SUMF1: variants seen among roughly 807,000 people sequenced by gnomAD.
SUMF1 encodes sulfatase modifying factor 1.
In SUMF1, 48 loss-of-function variants were observed where a neutral mutation model predicts 47.6. The ratio of observed to expected loss-of-function variants is 1.01; its 90% CI spans 0.80 to 1.28. The LOEUF (loss-of-function observed/expected upper bound fraction) is 1.28. Ranked by LOEUF, SUMF1 falls within the 50% of genes most tolerant of loss-of-function variation. The probability of loss-of-function intolerance (pLI) is 0.00; values close to 1 mark genes in which losing one functional copy is unlikely to be tolerated. For synonymous variants in SUMF1, 230 were observed against 192.1 expected, an observed-to-expected ratio of 1.20 and a Z score of -1.63; for missense variants, 571 against 485.4, an observed-to-expected ratio of 1.18 and a Z score of -1.66.
At chr3:4,075,721 G>A (rs1229710076) in intron 8 of SUMF1, among the ~76,000 whole-genome samples, 2 of 152,124 alleles carry the variant, frequency 1.3e-5, no homozygotes, top group East Asian at 1.9e-4. Context: ...CAAATCATGA[G>A]TGAACTCCCA....
rs1364693538 is a variant in SUMF1, at chr3:4,303,596, C to T, written c.1014+72734G>A. On this transcript the variant is annotated intron_variant and NMD_transcript_variant, in intron 8 of 12. Coordinates refer to the SUMF1 transcript ENST00000448413. ...CCCACGTGGTCTCCTCAAGCCGCCT[C>T]GCTGGGACGGCCTCCCAGTCGCGAC... 8.7e-6 allele frequency: 12 copies of T among 1,375,694 alleles called. No homozygotes were observed. In the East Asian group the frequency reaches 2.2e-4, roughly 25 times the overall value. The allele number at this position is 1,375,694 out of a possible 1,614,324, so 85.2% of individuals were successfully genotyped here.
intron 8 of SUMF1, chr3:4,313,330 AG>A (rs747393505): frequency 1.1e-4 from 177 of 1,613,936 alleles, no homozygotes; most frequent in Non-Finnish European, 1.4e-4. Flanking sequence ...TATAGCCATC[AG>A]GGAACATGTT....
intron 8 of SUMF1, among the ~76,000 whole-genome samples, chr3:4,109,153 G>A (rs1410086764): frequency 2.0e-5 from 3 of 152,020 alleles, no homozygotes; most frequent in East Asian, 1.9e-4. Context: ...TTGCTTGTCT[G>A]TAAAGGATTT....
intron 8 of SUMF1, among the ~76,000 whole-genome samples, chr3:4,176,806 A>G (rs1325418864): frequency 1.3e-5 from 2 of 152,118 alleles, no homozygotes. Flanking sequence ...CTCATATGCA[A>G]AGACACACAT....
At chr3:4,330,748 C>T (rs1699033420) in intron 8 of SUMF1, among the ~76,000 whole-genome samples, 1 of 152,142 alleles carries the variant, frequency 6.6e-6, no homozygotes, top group South Asian at 2.1e-4. Context: ...TAGTATTTCA[C>T]AAAAATCTTT....
intron 8 of SUMF1, among the ~76,000 whole-genome samples, chr3:4,080,714 A>G (rs1692541664): frequency 6.6e-6 from 1 of 152,164 alleles, no homozygotes; most frequent in Non-Finnish European, 1.5e-5. Flanking sequence ...ACAATATAAA[A>G]CACATATTTG....
intron 7 of SUMF1, among the ~76,000 whole-genome samples, chr3:4,386,226 A>T (rs749189176): frequency 3.9e-5 from 6 of 152,198 alleles, no homozygotes; most frequent in Non-Finnish European, 8.8e-5. Context: ...TGATATCTCT[A>T]CTAGGCTGAA....
intron 3 of SUMF1, among the ~76,000 whole-genome samples, chr3:4,438,372 C>CA (rs1702471475): frequency 6.6e-6 from 1 of 152,124 alleles, no homozygotes; most frequent in Admixed American, 6.5e-5. Context: ...TTTGGGCTTC[C>CA]AAGCTCATCT....
chr3:4,206,935 A>G (rs1695666948), intron 8 of SUMF1, among the ~76,000 whole-genome samples: 1 of 152,160 alleles, frequency 6.6e-6, no homozygotes, highest in Non-Finnish European at 1.5e-5. Flanking sequence ...CTATAAATCA[A>G]TTTGAAGAGA....
intron 8 of SUMF1, among the ~76,000 whole-genome samples, chr3:4,343,877 T>A (rs74343006): frequency 0.015 from 2,294 of 152,222 alleles, 46 homozygotes; most frequent in African/African-American, 0.052. Context: ...TGGAAAAAAT[T>A]TTAACAATGA....
chr3:4,303,317 T>A (rs1346740430), intron 8 of SUMF1: 3 of 1,464,632 alleles, frequency 2.0e-6, no homozygotes, highest in African/African-American at 3.0e-5. Flanking sequence ...AGTCCCAGCA[T>A]CCACCGCGCG....
rs145758793 is a variant in SUMF1, at chr3:4,059,050, G to A, written c.1191+9519C>T. Among the ~76,000 whole-genome samples, 447 of 152,126 alleles carry A rather than the reference G, an allele frequency of 2.9e-3. 4 individuals are homozygous for A. The highest frequency in any genetic ancestry group is 9.7e-3 in the African/African-American group (401 of 41,496). On this transcript the variant is annotated intron_variant and NMD_transcript_variant, in intron 9 of 12. Transcript: ENST00000448413. ...AACAGCAGAGAAAAGAGGGCATTTG[G>A]GACAACATACTGGAAAAGGTGATCA...
intron 8 of SUMF1, among the ~76,000 whole-genome samples, chr3:4,172,254 C>T (rs1399212097): frequency 2.6e-5 from 4 of 152,102 alleles, no homozygotes; most frequent in Non-Finnish European, 2.9e-5. Context: ...CCCAGATTTC[C>T]GTTTTGGGGA....
At chr3:4,351,132 T>C (rs1426820272) in intron 8 of SUMF1, among the ~76,000 whole-genome samples, 1 of 152,188 alleles carries the variant, frequency 6.6e-6, no homozygotes, top group Non-Finnish European at 1.5e-5. Context: ...GATTCAGCCT[T>C]TGGCTTGCCT....
At chr3:4,345,087 T>A (rs115341015) in intron 8 of SUMF1, among the ~76,000 whole-genome samples, 1 of 151,910 alleles carries the variant, frequency 6.6e-6, no homozygotes, top group East Asian at 1.9e-4. Flanking sequence ...ACAGGGAGAA[T>A]GGAAACAAGT....
At chr3:4,264,559 A>T (rs1450894792) in intron 8 of SUMF1, among the ~76,000 whole-genome samples, 4 of 152,124 alleles carry the variant, frequency 2.6e-5, no homozygotes, top group Non-Finnish European at 5.9e-5. Flanking sequence ...ATTTTTCCAT[A>T]GATATGACTT....
chr3:4,264,750 T>C (rs1697154625), intron 8 of SUMF1, among the ~76,000 whole-genome samples: 1 of 152,172 alleles, frequency 6.6e-6, no homozygotes, highest in African/African-American at 2.4e-5. Context: ...TCTCTCAGGC[T>C]ATAAAAGTGA....
intron 8 of SUMF1, among the ~76,000 whole-genome samples, chr3:4,240,989 T>C (rs1696524929): frequency 6.6e-6 from 1 of 152,006 alleles, no homozygotes. Flanking sequence ...TTTCCTAATA[T>C]TATGAAGTAG....
At chr3:4,236,346 A>T (rs1696409078) in intron 8 of SUMF1, among the ~76,000 whole-genome samples, 5 of 152,188 alleles carry the variant, frequency 3.3e-5, no homozygotes, top group Admixed American at 3.3e-4. Context: ...GACAAGAGAT[A>T]TAAGCACCTT....
Sources: gnomAD v4.1 joint callset for allele counts (sites outside exome capture counted in the v4.1 genomes callset) on GRCh38, gnomAD v4.1.1 for gene constraint, MANE v1.5 for transcripts, NCBI Gene and HGNC (gene_info 2026-07-23, HGNC 2026-07-21) for gene names.